Variants in SEL1L3 observed in about 807,000 individuals in gnomAD.
The protein encoded by SEL1L3 is protein sel-1 homolog 3.
Under a neutral mutation model 142.8 loss-of-function variants are expected in SEL1L3, and 76 were observed. The ratio of observed to expected loss-of-function variants is 0.53; its 90% CI spans 0.44 to 0.64. The LOEUF is 0.64. Among genes scored for constraint, SEL1L3 ranks in the 30% least tolerant of loss-of-function variants. The pLI is 0.00. For missense variants in SEL1L3, 1,262 were observed against 1,381.7 expected (o/e 0.91, Z 1.37); for synonymous variants, 504 against 519.6 (o/e 0.97, Z 0.41).
At chr4:25,763,423 G>C (rs926014375) in intron 20 of SEL1L3, among the ~76,000 whole-genome samples, 4 of 152,224 alleles carry the variant, frequency 2.6e-5, no homozygotes, top group Non-Finnish European at 5.9e-5. Context: ...ATTTACACAT[G>C]CACAAATAGA....
At chr4:25,722,491 T>G in the SEL1L3 span, among the ~76,000 whole-genome samples, 3 of 152,160 alleles carry the variant, frequency 2.0e-5, no homozygotes, top group Non-Finnish European at 4.4e-5. Context: ...ATAGAGCAAG[T>G]GTGGATGTTG....
intron 6 of SEL1L3, among the ~76,000 whole-genome samples, chr4:25,825,417 G>C (rs1371108273): frequency 6.6e-6 from 1 of 152,138 alleles, no homozygotes; most frequent in South Asian, 2.1e-4. Flanking sequence ...TTGAAAACCC[G>C]AGACATGCTG....
rs539030361 is a variant in SEL1L3 at position 25,814,662 on chromosome 4, G to A, written c.1564+3476C>T. ...GCTGTGGGCAGGAAGAACTTGGAAC[G>A]AAGGGTATTTGAGGAACTGGGAACG... On this transcript the variant is annotated intron_variant, in intron 9 of 23. Coordinates refer to ENST00000399878, the MANE Select transcript of SEL1L3 (RefSeq NM_015187.5). Among the ~76,000 whole-genome samples, 9 of 152,220 alleles carry A rather than the reference G, an allele frequency of 5.9e-5. No homozygotes were observed. The East Asian group carries it at 1.7e-3, about 29-fold the overall frequency.
Position 25,862,857 on chromosome 4 carries a change from G to A in SEL1L3, c.-21C>T. ...TGCATGGCGAGGCCGCCCGGATCCG[G>A]GCCGGAACAGGTCACCTGGTGCAGG... On this transcript the variant is annotated 5_prime_UTR_variant, in exon 1 of 24. Coordinates refer to ENST00000399878, the MANE Select transcript of SEL1L3 (RefSeq NM_015187.5). 2 of 1,089,444 alleles carry A rather than the reference G, an allele frequency of 1.8e-6. No homozygotes were observed. The highest frequency in any genetic ancestry group is 1.2e-4 in the East Asian group (2 of 16,830). 67.5% of individuals were successfully genotyped at this position (1,089,444 alleles called of 1,614,324 possible).
chr4:25,788,487 C>A lies in SEL1L3; in HGVS notation c.2077-123G>T. ...TAGATTGAGAACCAAGGATTAGATACACTTTATCTTCCAACTGGAGGCCAG... is the reference window on the plus strand; with the variant it reads ...TAGATTGAGAACCAAGGATTAGATAAACTTTATCTTCCAACTGGAGGCCAG... On this transcript the variant is annotated intron_variant, in intron 12 of 23. Coordinates refer to ENST00000399878, the MANE Select transcript of SEL1L3 (RefSeq NM_015187.5). This position sits in a 1 kb window ranked among gnomAD's most constrained non-coding sequence, Gnocchi z 5.3. 9.9e-7 allele frequency: 1 copy of A among 1,005,966 alleles called. No homozygotes were observed. Among genetic ancestry groups the A allele is most frequent in the Non-Finnish European group, 1.4e-6 (1 of 692,558 alleles). 62.3% of individuals were successfully genotyped at this position (1,005,966 alleles called of 1,614,324 possible). A position where few individuals can be genotyped will look rare whatever the true frequency, so the allele number is the denominator to read the frequency against.
At position 25,748,075 on chromosome 4, in the gene SEL1L3, TCTTAAG is replaced by T. The variant is rs1717354657; in HGVS notation, c.*344_*349del. 4 of 210,036 alleles carry T rather than the reference TCTTAAG, an allele frequency of 1.9e-5. No homozygotes were observed. The highest frequency in any genetic ancestry group is 2.9e-5 in the Non-Finnish European group (3 of 104,734). 13.0% of individuals were successfully genotyped at this position (210,036 alleles called of 1,614,324 possible). A position where few individuals can be genotyped will look rare whatever the true frequency, so the allele number is the denominator to read the frequency against. On this transcript the variant is annotated 3_prime_UTR_variant, in exon 24 of 24. Coordinates refer to ENST00000399878, the MANE Select transcript of SEL1L3 (RefSeq NM_015187.5). ...AAAGGGATGAAGCACGCACTGTGATTCTTAAGACACATCTTAGTGTATAAGAATCCA... is the reference window on the plus strand; with the variant it reads ...AAAGGGATGAAGCACGCACTGTGATTACACATCTTAGTGTATAAGAATCCA...
chr4:25,779,260 G>C, intron 15 of SEL1L3, 57 bp from the exon 16 acceptor site: 2 of 1,602,598 alleles, frequency 1.2e-6, no homozygotes, highest in South Asian at 2.2e-5. Context: ...TTTCGCCAGA[G>C]ACAAGGTGAT....
intron 16 of SEL1L3, chr4:25,777,880 G>A (rs1426217337): frequency 6.6e-6 from 3 of 456,006 alleles, no homozygotes; most frequent in Middle Eastern, 3.3e-4. Context: ...AACAGAGGTC[G>A]ACAAACTTTT....
At chr4:25,755,525 T>G (rs9993543) in intron 23 of SEL1L3, among the ~76,000 whole-genome samples, 37,361 of 151,994 alleles carry the variant, frequency 0.25, 4,644 homozygotes, top group Admixed American at 0.29. Context: ...AGACATAGCC[T>G]TCTTTAGGCT....
At chr4:25,757,141 A>G (rs1718021568) in intron 23 of SEL1L3, among the ~76,000 whole-genome samples, 1 of 151,802 alleles carries the variant, frequency 6.6e-6, no homozygotes, top group African/African-American at 2.4e-5. Flanking sequence ...GGTGGCGCAC[A>G]CCTGTAGTCC....
intron 2 of SEL1L3, among the ~76,000 whole-genome samples, chr4:25,841,671 C>T (rs771833193): frequency 1.1e-4 from 16 of 152,114 alleles, no homozygotes; most frequent in African/African-American, 3.4e-4. Context: ...TAAATAACAG[C>T]GGGCCAGGCG....
chr4:25,788,575 T>A lies in SEL1L3; in HGVS notation c.2077-211A>T, dbSNP rs1363584182. Among the ~76,000 whole-genome samples the A allele has an allele frequency of 3.1e-5, 1 of 32,634 alleles. No individual in the cohort carries two copies. 21.4% of individuals were successfully genotyped at this position (32,634 alleles called of 152,430 possible). On this transcript the variant is annotated intron_variant, in intron 12 of 23. Coordinates refer to ENST00000399878, the MANE Select transcript of SEL1L3 (RefSeq NM_015187.5). This position sits in a 1 kb window ranked among gnomAD's most constrained non-coding sequence, Gnocchi z 5.3. Reference sequence around the variant, plus strand: ...ATGCAAGCCAGAAATGGTTCGTGTGTGTGTGTGTGTGTGTGTGTGTGTGTG... The same window carrying A: ...ATGCAAGCCAGAAATGGTTCGTGTGAGTGTGTGTGTGTGTGTGTGTGTGTG...
downstream of SEL1L3, among the ~76,000 whole-genome samples, chr4:25,743,525 TTTA>T (rs1261889439): frequency 4.6e-5 from 7 of 152,118 alleles, no homozygotes; most frequent in African/African-American, 1.7e-4. Context: ...TTTTATACAT[TTTA>T]GGGAGACATG....
At chr4:25,790,013 T>C (rs567223817) in intron 12 of SEL1L3, among the ~76,000 whole-genome samples, 83 of 152,362 alleles carry the variant, frequency 5.4e-4, no homozygotes, top group African/African-American at 1.8e-3. Flanking sequence ...CGCTGTCTAA[T>C]TTCCCCTGCA....
At chr4:25,846,990 G>T (rs139779192) in intron 2 of SEL1L3, among the ~76,000 whole-genome samples, 1 of 149,360 alleles carries the variant, frequency 6.7e-6, no homozygotes, top group Non-Finnish European at 1.5e-5. Context: ...CCCAATCCTT[G>T]TTTCGGTGGC....
intron 21 of SEL1L3, chr4:25,757,997 A>G (rs1577559858): frequency 3.4e-6 from 2 of 584,400 alleles, no homozygotes; most frequent in Non-Finnish European, 6.1e-6. Flanking sequence ...CCCAGTAGAA[A>G]TTTTAGAAAA....
chr4:25,745,610 TG>T (rs1717238059), downstream of SEL1L3, among the ~76,000 whole-genome samples: 1 of 152,198 alleles, frequency 6.6e-6, no homozygotes, highest in African/African-American at 2.4e-5. Flanking sequence ...GCTGTCACAC[TG>T]GGAAGCAGGG....
In SEL1L3 at chr4:25,784,310, G is replaced by A. The variant is rs202102413; in HGVS notation, c.2218-20C>T. ...TTGACCCTAAACATTGATAAACAGC[G>A]ATGATTACAAAGAAAATACAACCAG... On this transcript the variant is annotated intron_variant, in intron 13 of 23. Coordinates refer to ENST00000399878, the MANE Select transcript of SEL1L3 (RefSeq NM_015187.5). The A allele has an allele frequency of 3.3e-4, 527 of 1,601,478 alleles. 7 individuals carry two copies. In the South Asian group the frequency reaches 4.0e-3, roughly 12 times the overall value.
At chr4:25,826,044 G>C (rs1018286305) in intron 6 of SEL1L3, among the ~76,000 whole-genome samples, 3 of 152,012 alleles carry the variant, frequency 2.0e-5, no homozygotes, top group African/African-American at 7.2e-5. Context: ...CACTCACCAC[G>C]ATTTGTAATT....
Sources: gnomAD v4.1 joint callset for allele counts (sites outside exome capture counted in the v4.1 genomes callset) on GRCh38, gnomAD v4.1.1 for gene constraint, Gnocchi (gnomAD v3.1) non-coding constraint, MANE v1.5 for transcripts, NCBI Gene and HGNC (gene_info 2026-07-23, HGNC 2026-07-21) for gene names.